The following PML variants were observed in gnomAD, a reference collection of about 807,000 sequenced individuals.
PML encodes the protein PML nuclear body scaffold, also known as protein PML.
PML carries 28 observed loss-of-function variants against 65.2 expected under a neutral mutation model. That is an observed-to-expected ratio of 0.43 (90% confidence interval 0.32 to 0.59). PML has a LOEUF of 0.59. Ranked by LOEUF, PML falls within the 20% of genes least tolerant of loss-of-function variation. PML has a pLI of 0.08. For synonymous variants in PML, 500 were observed against 508.8 expected, an observed-to-expected ratio of 0.98 and a Z score of 0.23; for missense variants, 1,021 against 1,203.4, an observed-to-expected ratio of 0.85 and a Z score of 2.24.
At chr15:74,001,967 T>G (rs1277556614) in intron 2 of PML, among the ~76,000 whole-genome samples, 2 of 151,040 alleles carry the variant, frequency 1.3e-5, no homozygotes, top group Non-Finnish European at 2.9e-5. Flanking sequence ...TGGTGCCACT[T>G]CACTCCAACC....
At chr15:74,031,208 G>A (rs935763956) in intron 4 of PML, 31 of 422,756 alleles carry the variant, frequency 7.3e-5, no homozygotes, top group African/African-American at 2.7e-4. Flanking sequence ...TCCATTCTGG[G>A]CATTGCATGT....
intron 2 of PML, among the ~76,000 whole-genome samples, chr15:74,001,769 AG>A (rs78490882): frequency 0.046 from 7,025 of 152,232 alleles, 235 homozygotes; most frequent in East Asian, 0.19. Flanking sequence ...TTTCTTAAAA[AG>A]GTTCTCTTGC....
chr15:73,996,832 C>T (rs1429688296), intron 1 of PML, among the ~76,000 whole-genome samples: 1 of 152,206 alleles, frequency 6.6e-6, no homozygotes, highest in Non-Finnish European at 1.5e-5. Flanking sequence ...AATCTACCTT[C>T]TGTCCCTATG....
intron 2 of PML, among the ~76,000 whole-genome samples, chr15:74,007,684 G>A (rs1040960785): frequency 6.6e-6 from 1 of 152,178 alleles, no homozygotes; most frequent in Non-Finnish European, 1.5e-5. Context: ...TGGGGTGGCT[G>A]CCCTGGGGTG....
chr15:74,036,686 G>A (rs935787003), intron 7 of PML, among the ~76,000 whole-genome samples: 1 of 151,964 alleles, frequency 6.6e-6, no homozygotes, highest in Non-Finnish European at 1.5e-5. Flanking sequence ...CTCATTGAGG[G>A]CAGACGTGAG....
At chr15:74,032,306 A>G (rs2071356515) in intron 4 of PML, 2 of 518,184 alleles carry the variant, frequency 3.9e-6, no homozygotes, top group African/African-American at 3.8e-5. Flanking sequence ...CTGAAACAGG[A>G]GAATTGCTCA....
intron 2 of PML, among the ~76,000 whole-genome samples, chr15:74,020,284 T>C (rs117524612): frequency 0.029 from 4,224 of 146,270 alleles, 168 homozygotes; most frequent in East Asian, 0.19. Flanking sequence ...GGCTGACTTA[T>C]TCCTTTTTTT....
At chr15:73,996,455 G>A (rs77930743) in intron 1 of PML, among the ~76,000 whole-genome samples, 5,361 of 152,322 alleles carry the variant, frequency 0.035, 108 homozygotes, top group Non-Finnish European at 0.038. Context: ...TGGAGCTTCT[G>A]GGTGATGGTG....
chr15:74,044,153 AC>A, intron 8 of PML, 67 bp from the exon 9 acceptor site: 2 of 1,512,918 alleles, frequency 1.3e-6, no homozygotes, highest in Non-Finnish European at 1.8e-6. Flanking sequence ...GCCCTAGAGG[AC>A]CCCCTGCTCC....
intron 2 of PML, among the ~76,000 whole-genome samples, chr15:74,013,305 A>G (rs2141788529): frequency 6.6e-6 from 1 of 152,294 alleles, no homozygotes; most frequent in Non-Finnish European, 1.5e-5. Flanking sequence ...GTTTAGTAAT[A>G]TAACAGTACT....
intron 2 of PML, among the ~76,000 whole-genome samples, chr15:74,001,640 C>T (rs541001475): frequency 5.1e-4 from 78 of 152,322 alleles, no homozygotes; most frequent in African/African-American, 1.9e-3. Context: ...AATGCCCTGC[C>T]TAATAATAAC....
Position 74,033,554 on chromosome 15 carries a change from TCA to T in PML, c.1657+143_1657+144del, listed in dbSNP as rs1468191709. On this transcript the variant is annotated intron_variant, in intron 6 of 8. Coordinates refer to ENST00000268058, the MANE Select transcript of PML (RefSeq NM_033238.3). ...TCCCACTGAATAAGATAGGGAAAGT[TCA>T]CAGTGTGCGTGGGGGTGAGAGTGGA... 1.5e-5 allele frequency: 14 copies of T among 926,138 alleles called. No homozygotes were observed. In the South Asian group the frequency reaches 1.9e-4, roughly 13 times the overall value. 57.4% of individuals were successfully genotyped at this position (926,138 alleles called of 1,614,324 possible).
At chr15:74,010,832 G>C (rs989743286) in intron 2 of PML, among the ~76,000 whole-genome samples, 2 of 152,164 alleles carry the variant, frequency 1.3e-5, no homozygotes, top group Admixed American at 6.5e-5. Flanking sequence ...GTTTTCAGAA[G>C]GGAAAACTTG....
intron 2 of PML, among the ~76,000 whole-genome samples, chr15:74,015,301 T>G (rs2070520075): frequency 6.6e-6 from 1 of 152,238 alleles, no homozygotes; most frequent in African/African-American, 2.4e-5. Flanking sequence ...GAAACTGATC[T>G]GGTAAAATGC....
intron 2 of PML, among the ~76,000 whole-genome samples, chr15:74,015,086 T>C (rs895967455): frequency 3.9e-5 from 6 of 152,226 alleles, no homozygotes; most frequent in African/African-American, 1.4e-4. Flanking sequence ...TTCACCGCTT[T>C]CCTTGCTGCT....
At position 74,035,331 on chromosome 15, in the gene PML, C is replaced by T. The variant is rs757884929; in HGVS notation, c.1710+801C>T. 7.4e-6 allele frequency: 12 copies of T among 1,612,380 alleles called. No individual in the cohort carries two copies. The East Asian group carries it at 2.7e-4, about 36-fold the overall frequency. Reference sequence around the variant, plus strand: ...CACATACCACCCCCCAGCTTGGCCTCCCCACCAGCCCGCTGAGCAGGCTGC... The same window carrying T: ...CACATACCACCCCCCAGCTTGGCCTTCCCACCAGCCCGCTGAGCAGGCTGC... On this transcript the variant is annotated intron_variant, in intron 7 of 8. Coordinates refer to ENST00000268058, the MANE Select transcript of PML (RefSeq NM_033238.3). The surrounding 1 kb of genome is among the most constrained non-coding windows in gnomAD (Gnocchi z 4.1).
chr15:73,994,893 G>C lies in PML; in HGVS notation c.81G>C (p.Glu27Asp), dbSNP rs979739048. ...AGGAGCCCACCATGCCTCCCCCCGAGACCCCCTCTGAAGGCCGCCAGCCCA... is the reference window on the plus strand; with the variant it reads ...AGGAGCCCACCATGCCTCCCCCCGACACCCCCTCTGAAGGCCGCCAGCCCA... ...RPQEPTMPPP[E>D]TPSEGRQPSP... The change falls in exon 1 of 9, where the codon GAG becomes GAC. Residue 27 changes from glutamate to aspartate, a missense_variant. Coordinates refer to ENST00000268058, the MANE Select transcript of PML (RefSeq NM_033238.3). 2 of 1,549,466 alleles carry C rather than the reference G, an allele frequency of 1.3e-6. No individual in the cohort carries two copies. Among genetic ancestry groups the C allele is most frequent in the African/African-American group, 2.7e-5 (2 of 73,052 alleles).
In PML at chr15:74,032,842, A is replaced by G. The variant is rs905783722; in HGVS notation, c.1398+127A>G. 9 of 990,542 alleles carry G rather than the reference A, an allele frequency of 9.1e-6. No individual in the cohort carries two copies. The African/African-American group carries it at 9.6e-5, about 11-fold the overall frequency. 61.4% of individuals were successfully genotyped at this position (990,542 alleles called of 1,614,324 possible). Reference sequence around the variant, plus strand: ...CTCTTTGTGGGAAAGTGTTTGCTCAACGCCTTCTCTGTGCTCTCCCCTGTT... The same window carrying G: ...CTCTTTGTGGGAAAGTGTTTGCTCAGCGCCTTCTCTGTGCTCTCCCCTGTT... On this transcript the variant is annotated intron_variant, in intron 5 of 8. Coordinates refer to ENST00000268058, the MANE Select transcript of PML (RefSeq NM_033238.3).
intron 4 of PML, chr15:74,027,942 TCTTG>T (rs1273771623): frequency 1.3e-5 from 2 of 152,264 alleles, no homozygotes; most frequent in South Asian, 2.1e-4. Flanking sequence ...GAGAAGCAGC[TCTTG>T]GGTCCGTGTT....
Sources: gnomAD v4.1 joint callset for allele counts (sites outside exome capture counted in the v4.1 genomes callset) on GRCh38, gnomAD v4.1.1 for gene constraint, Gnocchi (gnomAD v3.1) non-coding constraint, MANE v1.5 for transcripts, NCBI Gene and HGNC (gene_info 2026-07-23, HGNC 2026-07-21) for gene names.